RALGAPA1: variants seen among roughly 807,000 people sequenced by gnomAD.
RALGAPA1 encodes the protein Ral GTPase activating protein catalytic subunit alpha 1.
A neutral mutation model predicts 269.6 loss-of-function variants in RALGAPA1; 52 were observed. The ratio of observed to expected loss-of-function variants is 0.19; its 90% CI spans 0.15 to 0.24. RALGAPA1 has a LOEUF of 0.24. RALGAPA1 is among the 10% of genes least tolerant of loss of function. RALGAPA1 has a pLI of 1.00. For synonymous variants in RALGAPA1, 817 were observed against 1,008.3 expected (o/e 0.81, Z 3.60); for missense variants, 1,917 against 3,013.9 (o/e 0.64, Z 8.52).
At chr14:35,808,682 G>A in intron 1 of RALGAPA1, 48 bp downstream of exon 1, 1 of 1,566,652 alleles carries the variant, frequency 6.4e-7, no homozygotes, top group South Asian at 1.2e-5. Context: ...CCAGGAGAGG[G>A]AAGGCCGGGC....
At chr14:35,563,589 A>C (rs2056463453) in intron 39 of RALGAPA1, among the ~76,000 whole-genome samples, 1 of 152,176 alleles carries the variant, frequency 6.6e-6, no homozygotes, top group Admixed American at 6.5e-5. Context: ...TTGTTTCAAT[A>C]AGCAGTTAAG....
At chr14:35,706,444 G>C (rs977903766) in intron 16 of RALGAPA1, among the ~76,000 whole-genome samples, 3 of 152,052 alleles carry the variant, frequency 2.0e-5, no homozygotes, top group African/African-American at 7.2e-5. Context: ...GACTCTAGTT[G>C]TGTGGGTCTT....
chr14:35,791,257 T>C (rs1285048895), intron 1 of RALGAPA1, among the ~76,000 whole-genome samples: 1 of 152,204 alleles, frequency 6.6e-6, no homozygotes, highest in Non-Finnish European at 1.5e-5. Flanking sequence ...ATCTGCATCT[T>C]CAGAGGAGAA....
At chr14:35,754,035 A>T (rs1451996691) in intron 7 of RALGAPA1, among the ~76,000 whole-genome samples, 1 of 152,178 alleles carries the variant, frequency 6.6e-6, no homozygotes, top group Non-Finnish European at 1.5e-5. Flanking sequence ...ACACTGGAAA[A>T]GCCTGGCAGA....
chr14:35,795,692 T>C (rs185901901), intron 1 of RALGAPA1, among the ~76,000 whole-genome samples: 122 of 151,840 alleles, frequency 8.0e-4, no homozygotes, highest in Non-Finnish European at 5.6e-4. Flanking sequence ...AATTTATAGG[T>C]GGCCACACAC....
At position 35,808,910 on chromosome 14, in the gene RALGAPA1, G is replaced by A; in HGVS notation, c.-75C>T. The A allele has an allele frequency of 6.5e-7, 1 of 1,549,714 alleles. No homozygotes were observed. The highest frequency in any genetic ancestry group is 2.0e-5 in the Admixed American group (1 of 51,070). ...GTCCCGGCGGCAGAAAGTGGAGGGA[G>A]TGGACGGGGAGGAGACTAGCCAGAG... On this transcript the variant is annotated 5_prime_UTR_variant, in exon 1 of 42. Transcript: ENST00000680220.
intron 1 of RALGAPA1, among the ~76,000 whole-genome samples, chr14:35,791,804 G>A (rs1038438253): frequency 6.7e-6 from 1 of 150,188 alleles, no homozygotes; most frequent in Non-Finnish European, 1.5e-5. Flanking sequence ...TACTCAGGAG[G>A]CTGAGGCAGA....
At chr14:35,799,015 A>C (rs1483091831) in intron 1 of RALGAPA1, among the ~76,000 whole-genome samples, 4 of 151,638 alleles carry the variant, frequency 2.6e-5, no homozygotes, top group Non-Finnish European at 5.9e-5. Flanking sequence ...AAAAAAGTAC[A>C]CAAAGAAATG....
At chr14:35,670,438 C>T (rs2064307674) in intron 26 of RALGAPA1, among the ~76,000 whole-genome samples, 1 of 152,148 alleles carries the variant, frequency 6.6e-6, no homozygotes, top group East Asian at 1.9e-4. Flanking sequence ...TTGATCATGT[C>T]ACTCCTTGCT....
chr14:35,630,133 T>C (rs1172731933), intron 33 of RALGAPA1, among the ~76,000 whole-genome samples: 6 of 152,238 alleles, frequency 3.9e-5, no homozygotes, highest in Non-Finnish European at 5.9e-5. Context: ...GCTATGCCAT[T>C]GATGTTAATA....
chr14:35,737,011 G>A (rs896457675), intron 12 of RALGAPA1, among the ~76,000 whole-genome samples: 1 of 150,998 alleles, frequency 6.6e-6, no homozygotes, highest in Non-Finnish European at 1.5e-5. Context: ...ACTCTAGCCT[G>A]GGTGACAGAC....
chr14:35,643,423 C>G, intron 31 of RALGAPA1, among the ~76,000 whole-genome samples: 1 of 152,150 alleles, frequency 6.6e-6, no homozygotes, highest in African/African-American at 2.4e-5. Context: ...AACCCTCATA[C>G]ACTGTTGGTG....
At chr14:35,578,607 C>T (rs149813679) in intron 37 of RALGAPA1, among the ~76,000 whole-genome samples, 1 of 152,316 alleles carries the variant, frequency 6.6e-6, no homozygotes, top group East Asian at 1.9e-4. Context: ...CAATACTATG[C>T]CTTAGCAGAG....
At chr14:35,546,211 A>T (rs1594504809) in intron 41 of RALGAPA1, among the ~76,000 whole-genome samples, 1 of 152,130 alleles carries the variant, frequency 6.6e-6, no homozygotes, top group East Asian at 1.9e-4. Context: ...AATCTTTCAT[A>T]TCTATTTTAA....
rs1465211287 is a variant in RALGAPA1, at chr14:35,569,921, G to C, written c.7496+696C>G. 3.9e-5 allele frequency among the ~76,000 whole-genome samples: 6 copies of C among 152,136 alleles called. No homozygotes were observed. In the South Asian group the frequency reaches 6.2e-4, roughly 16 times the overall value. The stretch of plus-strand genomic sequence containing the variant: ...ACTTCTGCAACTCCAGAGTCGTAGA[G>C]TACCTGACACATAATGGGACTCTAA... On this transcript the variant is annotated intron_variant, in intron 39 of 41. Transcript: ENST00000680220.
intron 38 of RALGAPA1, among the ~76,000 whole-genome samples, chr14:35,571,341 T>C (rs903455695): frequency 6.6e-6 from 1 of 152,152 alleles, no homozygotes; most frequent in Non-Finnish European, 1.5e-5. Flanking sequence ...ATTTTAGATT[T>C]TGTGGTCACA....
rs1303900407 is a variant in RALGAPA1, at chr14:35,685,973, T to C, written c.4077+569A>G. ...GATAAAAGAGCTTCTGCTTTCATGT[T>C]GCCATACTCCTAACATTCAAGATAA... On this transcript the variant is annotated intron_variant, in intron 19 of 41. Transcript: ENST00000680220. Among the ~76,000 whole-genome samples the C allele has an allele frequency of 2.0e-5, 3 of 152,158 alleles. No homozygotes were observed. In the East Asian group the frequency reaches 5.8e-4, roughly 29 times the overall value.
In RALGAPA1 at chr14:35,808,736, C is replaced by T. The variant is rs776071415; in HGVS notation, c.100G>A (p.Val34Ile). The change falls in exon 1 of 42, where the codon GTC becomes ATC. Residue 34 changes from valine to isoleucine, a missense_variant. By Grantham distance (29) the Val-to-Ile change is conservative. Coordinates refer to ENST00000680220, the MANE Select transcript of RALGAPA1 (RefSeq NM_001346249.2). ...ALTRLKHLRI[V>I]IENAESIDLK... is the part of the protein sequence containing the mutation. ...GCCACCCCTCGCTCCTCACCGATGA[C>T]GATGCGCAGGTGCTTGAGGCGAGTC... is the stretch of plus-strand genomic sequence containing the variant. 6.2e-7 allele frequency: 1 copy of T among 1,612,350 alleles called. No individual in the cohort carries two copies. Among genetic ancestry groups the T allele is most frequent in the Non-Finnish European group, 8.5e-7 (1 of 1,179,322 alleles).
chr14:35,707,199 T>C (rs1478300910), intron 16 of RALGAPA1: 2 of 152,250 alleles, frequency 1.3e-5, no homozygotes, highest in African/African-American at 2.4e-5. Context: ...TCTGGCATCC[T>C]ATAACCTTGC....
Sources: gnomAD v4.1 joint callset for allele counts (sites outside exome capture counted in the v4.1 genomes callset) on GRCh38, gnomAD v4.1.1 for gene constraint, MANE v1.5 for transcripts, NCBI Gene and HGNC (gene_info 2026-07-23, HGNC 2026-07-21) for gene names.